The following SMIM36 variants were observed in gnomAD, a reference collection of about 807,000 sequenced individuals.
SMIM36 encodes small integral membrane protein 36.
rs372767670 is a variant in SMIM36, at chr17:55,457,477, A to G, written c.*532-7179T>C. 3.8e-4 allele frequency among the ~76,000 whole-genome samples: 57 copies of G among 151,062 alleles called. No individual in the cohort carries two copies. The East Asian group carries it at 8.2e-3, about 22-fold the overall frequency. On this transcript the variant is annotated intron_variant, in intron 4 of 4. Coordinates refer to ENST00000636752, the Ensembl canonical transcript of SMIM36. ...AAAAAAAAAAAAAAAAAAAGAATAG[A>G]ATAAAATAAAATTGACAGCTCTCGA...
At chr17:55,477,865 T>C (rs892448356) in intron 3 of SMIM36, among the ~76,000 whole-genome samples, 13 of 151,826 alleles carry the variant, frequency 8.6e-5, no homozygotes, top group African/African-American at 2.7e-4. Flanking sequence ...TTTTTTTTTT[T>C]TAAGAGAGAG....
intron 1 of SMIM36, among the ~76,000 whole-genome samples, chr17:55,489,962 C>T (rs141091097): frequency 0.017 from 2,542 of 152,174 alleles, 67 homozygotes; most frequent in African/African-American, 0.058. Flanking sequence ...CATTCTCCTG[C>T]CTCAGCCTCC....
chr17:55,498,681 G>C (rs756436626), intron 1 of SMIM36, among the ~76,000 whole-genome samples: 7 of 151,758 alleles, frequency 4.6e-5, no homozygotes, highest in Non-Finnish European at 7.4e-5. Flanking sequence ...GAGGAAAAAG[G>C]CTCAGGAAGT....
intron 1 of SMIM36, among the ~76,000 whole-genome samples, chr17:55,498,775 G>C (rs896721029): frequency 1.3e-5 from 2 of 151,772 alleles, no homozygotes; most frequent in African/African-American, 4.8e-5. Context: ...GAGGCGGGTG[G>C]ATCACTTGAG....
exon 1 of SMIM36, chr17:55,511,268 T>G (rs1910177696): frequency 2.5e-6 from 1 of 398,596 alleles, no homozygotes; most frequent in Admixed American, 4.4e-5. Flanking sequence ...AGGAGCAAGA[T>G]GACGTAGCTC....
chr17:55,474,421 C>G (rs7217632), intron 3 of SMIM36, among the ~76,000 whole-genome samples: 3,060 of 152,262 alleles, frequency 0.02, 101 homozygotes, highest in African/African-American at 0.069. Flanking sequence ...CAGCACGTGG[C>G]AGGCCCCCGT....
upstream of SMIM36, among the ~76,000 whole-genome samples, chr17:55,515,086 G>GTTTTTTTTTTT (rs1158864125): frequency 4.6e-4 from 25 of 54,102 alleles, 4 homozygotes; most frequent in East Asian, 1.1e-3. Context: ...CTAGTCTAGT[G>GTTTTTTTTTTT]TTTTTTTTTT....
chr17:55,452,279 A>G (rs1908934916), intron 4 of SMIM36, among the ~76,000 whole-genome samples: 1 of 152,108 alleles, frequency 6.6e-6, no homozygotes, highest in Non-Finnish European at 1.5e-5. Context: ...TGGTGTAGAA[A>G]CTGGTAACAG....
intron 1 of SMIM36, among the ~76,000 whole-genome samples, chr17:55,487,931 G>A (rs1909635832): frequency 1.3e-5 from 2 of 152,208 alleles, no homozygotes; most frequent in Admixed American, 1.3e-4. Flanking sequence ...TTCCAGACCA[G>A]CCTCAAACAA....
At chr17:55,473,972 T>C (rs1909383738) in intron 3 of SMIM36, among the ~76,000 whole-genome samples, 1 of 152,146 alleles carries the variant, frequency 6.6e-6, no homozygotes, top group Admixed American at 6.5e-5. Flanking sequence ...AAGAGCACTG[T>C]GAAGATCCCT....
intron 1 of SMIM36, among the ~76,000 whole-genome samples, chr17:55,485,472 A>G (rs1406750128): frequency 6.9e-6 from 1 of 144,812 alleles, no homozygotes; most frequent in East Asian, 2.0e-4. Flanking sequence ...TTTTTCCTGT[A>G]CAGATGAAGT....
At chr17:55,459,686 C>T (rs1909101001) in intron 4 of SMIM36, among the ~76,000 whole-genome samples, 1 of 152,184 alleles carries the variant, frequency 6.6e-6, no homozygotes, top group Non-Finnish European at 1.5e-5. Context: ...GGTTTAGCAA[C>T]ATGCCTAGAA....
Position 55,510,865 on chromosome 17 carries a change from T to C in SMIM36, c.*174+14A>G, listed in dbSNP as rs1002318820. ...TTTGGAGAATTTGACTAAAGACCACTTTGGGCTTCTTACCTTAAACAGTTA... is the reference window on the plus strand; with the variant it reads ...TTTGGAGAATTTGACTAAAGACCACCTTGGGCTTCTTACCTTAAACAGTTA... On this transcript the variant is annotated intron_variant, in intron 1 of 4. Coordinates refer to ENST00000636752, the Ensembl canonical transcript of SMIM36. 1 of 369,810 alleles carries C rather than the reference T, an allele frequency of 2.7e-6. No homozygotes were observed. 22.9% of individuals were successfully genotyped at this position (369,810 alleles called of 1,614,324 possible).
chr17:55,518,085 A>G, the SMIM36 span, among the ~76,000 whole-genome samples: 6 of 152,196 alleles, frequency 3.9e-5, no homozygotes, highest in Admixed American at 2.6e-4. Context: ...TTGAGACTGG[A>G]TAACTTGGCT....
In SMIM36 at chr17:55,501,392, T is replaced by G. The variant is rs1909966127; in HGVS notation, c.*174+9487A>C. Among the ~76,000 whole-genome samples the G allele has an allele frequency of 7.4e-5, 4 of 54,276 alleles. No individual in the cohort carries two copies. In the South Asian group the frequency reaches 2.4e-3, roughly 33 times the overall value. The allele number at this position is 54,276 out of a possible 152,430, so 35.6% of individuals were successfully genotyped here. A position where few individuals can be genotyped will look rare whatever the true frequency, so the allele number is the denominator to read the frequency against. ...ATATTATATATTATAGAATATAATA[T>G]ATTATATATTATTATATATTATAAA... On this transcript the variant is annotated intron_variant, in intron 1 of 4. Coordinates refer to ENST00000636752, the Ensembl canonical transcript of SMIM36.
At chr17:55,519,726 A>C in the SMIM36 span, among the ~76,000 whole-genome samples, 1 of 152,192 alleles carries the variant, frequency 6.6e-6, no homozygotes, top group African/African-American at 2.4e-5. Context: ...AGGTTGCTAG[A>C]CAATTGTGAA....
chr17:55,465,965 C>T (rs1909228975), intron 4 of SMIM36, among the ~76,000 whole-genome samples: 1 of 152,004 alleles, frequency 6.6e-6, no homozygotes, highest in Non-Finnish European at 1.5e-5. Context: ...GTGCTTTGAG[C>T]CAGGAGACAG....
At chr17:55,466,931 A>G (rs751145542) in intron 4 of SMIM36, among the ~76,000 whole-genome samples, 7 of 152,194 alleles carry the variant, frequency 4.6e-5, no homozygotes, top group Non-Finnish European at 1.0e-4. Flanking sequence ...ATTAGTTGCA[A>G]TTACTAGCTC....
chr17:55,474,381 C>G (rs564057153), intron 3 of SMIM36, among the ~76,000 whole-genome samples: 10 of 152,274 alleles, frequency 6.6e-5, no homozygotes, highest in Admixed American at 6.5e-4. Context: ...CCCAGGTAGG[C>G]AATTGCCCCA....
Sources: allele counts gnomAD v4.1 joint callset (sites outside exome capture counted in the v4.1 genomes callset), GRCh38; gene constraint gnomAD v4.1.1; transcripts MANE v1.5; gene names NCBI Gene and HGNC (gene_info 2026-07-23, HGNC 2026-07-21).